Variants in LRRTM4 observed in about 807,000 individuals in gnomAD.
LRRTM4 encodes leucine rich repeat transmembrane neuronal 4.
A neutral mutation model predicts 47.6 loss-of-function variants in LRRTM4; 25 were observed. The ratio of observed to expected loss-of-function variants is 0.53; its 90% confidence interval spans 0.38 to 0.73. LRRTM4 has a LOEUF of 0.73. LRRTM4 is among the 30% of genes least tolerant of loss of function. The probability of loss-of-function intolerance (pLI) is 0.00; values close to 1 mark genes in which losing one functional copy is unlikely to be tolerated. For missense variants in LRRTM4, 638 were observed against 713.4 expected, an observed-to-expected ratio of 0.89 and a Z score of 1.20; for synonymous variants, 311 against 269.5, an observed-to-expected ratio of 1.15 and a Z score of -1.51.
At chr2:77,359,214 G>A (rs1573306930) in intron 3 of LRRTM4, among the ~76,000 whole-genome samples, 1 of 152,064 alleles carries the variant, frequency 6.6e-6, no homozygotes, top group East Asian at 1.9e-4. Flanking sequence ...CTTGTTTTAT[G>A]ACTTTATAAC....
Position 77,365,800 on chromosome 2 carries a change from G to A in LRRTM4, c.1551+152518C>T, listed in dbSNP as rs553069489. ...ACTAGAATTATATCTTTAAAGTAGC[G>A]TAAACCTATTTGATGGAAATGTGTA... On this transcript the variant is annotated intron_variant, in intron 3 of 3. Coordinates refer to ENST00000409884, the MANE Select transcript of LRRTM4 (RefSeq NM_001134745.3). 9.3e-5 allele frequency among the ~76,000 whole-genome samples: 14 copies of A among 150,874 alleles called. No homozygotes were observed. In the South Asian group the frequency reaches 1.5e-3, roughly 16 times the overall value.
intron 3 of LRRTM4, among the ~76,000 whole-genome samples, chr2:77,389,250 GGATA>G (rs145350112): frequency 0.014 from 2,113 of 151,994 alleles, 54 homozygotes; most frequent in African/African-American, 0.048. Context: ...CAGAACAACA[GGATA>G]GATAATTAAA....
chr2:77,004,634 T>A (rs1677566863), intron 3 of LRRTM4, among the ~76,000 whole-genome samples: 1 of 151,990 alleles, frequency 6.6e-6, no homozygotes, highest in African/African-American at 2.4e-5. Flanking sequence ...TGGGGCACTG[T>A]CTATTGGATC....
intron 3 of LRRTM4, among the ~76,000 whole-genome samples, chr2:77,492,138 T>C (rs1378117462): frequency 1.3e-5 from 2 of 152,180 alleles, no homozygotes; most frequent in Non-Finnish European, 2.9e-5. Flanking sequence ...TTTTAAAATA[T>C]ACATAATATT....
chr2:77,278,848 C>A (rs1676435514), intron 3 of LRRTM4, among the ~76,000 whole-genome samples: 1 of 152,006 alleles, frequency 6.6e-6, no homozygotes, highest in African/African-American at 2.4e-5. Context: ...ACCGTCATGG[C>A]CTTCACCATT....
chr2:77,289,532 T>C (rs1341795457), intron 3 of LRRTM4, among the ~76,000 whole-genome samples: 3 of 152,038 alleles, frequency 2.0e-5, no homozygotes, highest in Non-Finnish European at 4.4e-5. Flanking sequence ...AAGAAACTTG[T>C]TATTTTATCT....
chr2:77,349,456 TG>T (rs1320435018), intron 3 of LRRTM4, among the ~76,000 whole-genome samples: 1 of 152,040 alleles, frequency 6.6e-6, no homozygotes, highest in Non-Finnish European at 1.5e-5. Context: ...AAATGGGAAG[TG>T]ATACTATACT....
intron 3 of LRRTM4, among the ~76,000 whole-genome samples, chr2:77,066,386 T>C (rs1218953719): frequency 6.6e-6 from 1 of 152,182 alleles, no homozygotes; most frequent in African/African-American, 2.4e-5. Context: ...AAAAGACTAA[T>C]AGCATCATCT....
chr2:76,773,282 C>T (rs1433676209), intron 3 of LRRTM4, among the ~76,000 whole-genome samples: 3 of 152,220 alleles, frequency 2.0e-5, no homozygotes, highest in Non-Finnish European at 4.4e-5. Context: ...ATAATGGCCT[C>T]CAGTAGTTTT....
intron 3 of LRRTM4, among the ~76,000 whole-genome samples, chr2:77,376,197 C>T (rs1008979677): frequency 6.6e-6 from 1 of 151,636 alleles, no homozygotes; most frequent in Admixed American, 6.6e-5. Context: ...TTCCATTTAA[C>T]AGTATATCTA....
intron 3 of LRRTM4, among the ~76,000 whole-genome samples, chr2:76,951,583 A>G (rs550763381): frequency 2.6e-5 from 4 of 152,108 alleles, no homozygotes; most frequent in South Asian, 2.1e-4. Context: ...TTGTTTGACT[A>G]TAAGAAATTG....
rs1188166982 is a variant in LRRTM4, at chr2:77,055,117, C to CTT, written c.1552-306202_1552-306201insAA. Among the ~76,000 whole-genome samples, 36 of 152,144 alleles carry CTT rather than the reference C, an allele frequency of 2.4e-4. 1 individual carries two copies. The highest frequency in any genetic ancestry group is 7.2e-4 in the Admixed American group (11 of 15,280). ...TACTGACTCCGCTACTTAGAGTTAC[C>CTT]ACAACCCACACAGAAAAGGAGCTGT... On this transcript the variant is annotated intron_variant, in intron 3 of 3. Transcript: ENST00000409884.
intron 3 of LRRTM4, among the ~76,000 whole-genome samples, chr2:77,328,440 G>A (rs1670859684): frequency 6.6e-6 from 1 of 152,152 alleles, no homozygotes; most frequent in Non-Finnish European, 1.5e-5. Flanking sequence ...GTTGAAAAGG[G>A]AGATTTGCAG....
intron 3 of LRRTM4, among the ~76,000 whole-genome samples, chr2:77,315,080 T>A (rs1677579967): frequency 6.6e-6 from 1 of 152,120 alleles, no homozygotes; most frequent in Non-Finnish European, 1.5e-5. Context: ...TTACAACAGG[T>A]TTATTAGGAA....
intron 3 of LRRTM4, among the ~76,000 whole-genome samples, chr2:77,365,176 A>T (rs1672393776): frequency 6.6e-6 from 1 of 152,088 alleles, no homozygotes; most frequent in Non-Finnish European, 1.5e-5. Context: ...ACATAAAAAT[A>T]GCCTTAAGTG....
intron 3 of LRRTM4, among the ~76,000 whole-genome samples, chr2:77,051,732 A>C (rs75112934): frequency 0.023 from 3,523 of 152,280 alleles, 151 homozygotes; most frequent in African/African-American, 0.08. Flanking sequence ...ATCTGTTAGC[A>C]TTAACTATTT....
At chr2:76,823,845 G>T (rs11884591) in intron 3 of LRRTM4, among the ~76,000 whole-genome samples, 71,485 of 151,280 alleles carry the variant, frequency 0.47, 18,247 homozygotes, top group East Asian at 0.76. Context: ...GTTAAATTTA[G>T]ATAAAATAGC....
chr2:76,947,076 A>G (rs538124315), intron 3 of LRRTM4, among the ~76,000 whole-genome samples: 120 of 152,052 alleles, frequency 7.9e-4, no homozygotes, highest in African/African-American at 2.7e-3. Flanking sequence ...TTGAAATTTC[A>G]AGGAAGTATT....
At chr2:77,162,372 T>C (rs1672754602) in intron 3 of LRRTM4, among the ~76,000 whole-genome samples, 1 of 152,162 alleles carries the variant, frequency 6.6e-6, no homozygotes, top group South Asian at 2.1e-4. Context: ...CCTGCCCTAC[T>C]TCTGTAGACT....
Sources: allele counts gnomAD v4.1 joint callset (sites outside exome capture counted in the v4.1 genomes callset), GRCh38; gene constraint gnomAD v4.1.1; transcripts MANE v1.5; gene names NCBI Gene and HGNC (gene_info 2026-07-23, HGNC 2026-07-21).